Variants in DNAJB6 observed in about 807,000 individuals in gnomAD.
The protein encoded by DNAJB6 is dnaJ homolog subfamily B member 6.
Under a neutral mutation model 42.7 loss-of-function variants are expected in DNAJB6, and 16 were observed. That is an observed-to-expected ratio of 0.37 (90% CI 0.25 to 0.57). DNAJB6 has a LOEUF of 0.57. Among genes scored for constraint, DNAJB6 ranks in the 20% least tolerant of loss-of-function variants. The pLI is 0.74. For missense variants in DNAJB6, 347 were observed against 416.8 expected (o/e 0.83, Z 1.46); for synonymous variants, 170 against 163.5 (o/e 1.04, Z -0.30).
chr7:157,413,337 G>A (rs140507843), intron 9 of DNAJB6: 2 of 152,334 alleles, frequency 1.3e-5, no homozygotes, highest in East Asian at 3.9e-4. Context: ...GCTGAGGAAA[G>A]CAGCCTGCCC....
chr7:157,358,416 TG>T lies in DNAJB6; in HGVS notation c.-26-129del, dbSNP rs905230179. ...CCAGCAGGCTAGTGGTTAGCTCTAG[TG>T]GAAGTTCCCTCTGTAGGCCAGTAGG... On this transcript the variant is annotated intron_variant, in intron 1 of 9. Coordinates refer to ENST00000262177, the MANE Select transcript of DNAJB6 (RefSeq NM_058246.4). 38 of 619,562 alleles carry T rather than the reference TG, an allele frequency of 6.1e-5. No individual in the cohort carries two copies. In the African/African-American group the frequency reaches 6.6e-4, roughly 11 times the overall value. 38.4% of individuals were successfully genotyped at this position (619,562 alleles called of 1,614,324 possible). A position where few individuals can be genotyped will look rare whatever the true frequency, so the allele number is the denominator to read the frequency against.
chr7:157,383,720 T>G (rs4716710), intron 6 of DNAJB6, among the ~76,000 whole-genome samples: 6 of 151,648 alleles, frequency 4.0e-5, no homozygotes, highest in Non-Finnish European at 7.4e-5. Context: ...GAGGCTTAAT[T>G]GAGACCAGTG....
At chr7:157,382,602 TAATC>T (rs1337120094) in intron 6 of DNAJB6, 3 of 329,408 alleles carry the variant, frequency 9.1e-6, no homozygotes, top group Non-Finnish European at 1.6e-5. Context: ...CTTAATATAA[TAATC>T]AAGGCCAGAA....
intron 2 of DNAJB6, among the ~76,000 whole-genome samples, chr7:157,360,140 A>C (rs1799504064): frequency 6.6e-6 from 1 of 152,220 alleles, no homozygotes; most frequent in South Asian, 2.1e-4. Context: ...TGAGACTGGG[A>C]AGAAAAGGAG....
intron 5 of DNAJB6, among the ~76,000 whole-genome samples, chr7:157,369,798 G>GGGCCCCTTCTTC (rs1800055131): frequency 7.2e-6 from 1 of 138,260 alleles, no homozygotes; most frequent in African/African-American, 2.9e-5. Context: ...ATTATTAAAC[G>GGGCCCCTTCTTC]AGCCCCTTCT....
At chr7:157,410,178 C>A (rs1178970845) in intron 9 of DNAJB6, 177 bp downstream of exon 9, 2 of 1,382,490 alleles carry the variant, frequency 1.4e-6, no homozygotes, top group Non-Finnish European at 1.9e-6. Flanking sequence ...TCGCGGCGCC[C>A]CACGCCACGG....
At chr7:157,387,938 CGGG>C (rs1563140847) in intron 8 of DNAJB6, among the ~76,000 whole-genome samples, 2 of 151,988 alleles carry the variant, frequency 1.3e-5, no homozygotes, top group Non-Finnish European at 2.9e-5. Flanking sequence ...CTCTGCCTCC[CGGG>C]TTCAAGCAGT....
chr7:157,386,563 TAAA>T (rs201213562), intron 8 of DNAJB6, among the ~76,000 whole-genome samples: 3,332 of 152,310 alleles, frequency 0.022, 102 homozygotes, highest in African/African-American at 0.071. Context: ...TTTTCACTCT[TAAA>T]GTATGTTCTA....
chr7:157,409,756 C>T (rs775140272), intron 8 of DNAJB6, 39 bp from the exon 9 acceptor site: 7 of 1,488,920 alleles, frequency 4.7e-6, no homozygotes, highest in East Asian at 2.5e-5. Context: ...CGGCCGCCGC[C>T]GCTCACTCAC....
At position 157,382,263 on chromosome 7, in the gene DNAJB6, T is replaced by G. The variant is rs371893136; in HGVS notation, c.364T>G (p.Phe122Val). 9 of 1,604,834 alleles carry G rather than the reference T, an allele frequency of 5.6e-6. No individual in the cohort carries two copies. Among genetic ancestry groups the G allele is most frequent in the East Asian group, 2.2e-5 (1 of 44,728 alleles). ...GATTTTAGAAGACCCTTTTGAGGAC[T>G]TCTTTGGGAATCGAAGGGGTCCCCG... is the stretch of plus-strand genomic sequence containing the variant. ...FDFFEDPFED[F>V]FGNRRGPRGS... Residue 122 changes from phenylalanine to valine, a missense_variant, in exon 6 of 10, where the codon TTC (phenylalanine) becomes GTC (valine). Phe to Val is a conservative substitution (Grantham distance 50). Around this residue, in one of 3 missense-constraint regions of DNAJB6, gnomAD observed 264 missense variants for 288.0 expected, o/e 0.92. Coordinates refer to ENST00000262177, the MANE Select transcript of DNAJB6 (RefSeq NM_058246.4).
At chr7:157,339,075 A>T (rs987854065) in intron 1 of DNAJB6, among the ~76,000 whole-genome samples, 1 of 152,104 alleles carries the variant, frequency 6.6e-6, no homozygotes, top group Non-Finnish European at 1.5e-5. Context: ...GGGAGTGTTG[A>T]ATGTTGTGAA....
intron 2 of DNAJB6, among the ~76,000 whole-genome samples, chr7:157,360,782 G>GT (rs1799544706): frequency 6.6e-6 from 1 of 152,186 alleles, no homozygotes; most frequent in South Asian, 2.1e-4. Flanking sequence ...GCTGCCACCT[G>GT]TTCTGCATCT....
At chr7:157,338,753 T>C (rs1798184777) in intron 1 of DNAJB6, among the ~76,000 whole-genome samples, 1 of 152,246 alleles carries the variant, frequency 6.6e-6, no homozygotes, top group South Asian at 2.1e-4. Flanking sequence ...TTCAGCGAGC[T>C]GCGGGTTTTT....
At chr7:157,344,133 G>GT (rs1798560926) in intron 1 of DNAJB6, among the ~76,000 whole-genome samples, 1 of 152,178 alleles carries the variant, frequency 6.6e-6, no homozygotes, top group African/African-American at 2.4e-5. Flanking sequence ...AAGGTCAGGA[G>GT]TTTGAGACCA....
chr7:157,364,370 C>T (rs1219141400), intron 3 of DNAJB6, among the ~76,000 whole-genome samples: 3 of 152,126 alleles, frequency 2.0e-5, no homozygotes, highest in Non-Finnish European at 4.4e-5. Flanking sequence ...TATGAAAAGA[C>T]ATAAAAACAC....
intron 1 of DNAJB6, among the ~76,000 whole-genome samples, chr7:157,346,728 G>T (rs1798707380): frequency 6.6e-6 from 1 of 152,228 alleles, no homozygotes; most frequent in East Asian, 1.9e-4. Flanking sequence ...CATCAGTGAT[G>T]ACTGAAGCAG....
chr7:157,372,917 T>G (rs2117031912), intron 5 of DNAJB6, among the ~76,000 whole-genome samples: 1 of 152,270 alleles, frequency 6.6e-6, no homozygotes, highest in East Asian at 1.9e-4. Flanking sequence ...ATCATCTCCT[T>G]TGTGTCTGTC....
At chr7:157,362,859 G>T (rs1385212375) in intron 2 of DNAJB6, among the ~76,000 whole-genome samples, 1 of 152,156 alleles carries the variant, frequency 6.6e-6, no homozygotes, top group Non-Finnish European at 1.5e-5. Context: ...GCCCAGGCTG[G>T]ACTGCAGTGG....
At chr7:157,387,151 G>A (rs1801106409) in intron 8 of DNAJB6, among the ~76,000 whole-genome samples, 1 of 152,196 alleles carries the variant, frequency 6.6e-6, no homozygotes, top group African/African-American at 2.4e-5. Context: ...GAGCCCTTAA[G>A]CAACCTCACG....
Sources: allele counts gnomAD v4.1 joint callset (sites outside exome capture counted in the v4.1 genomes callset), GRCh38; gene constraint gnomAD v4.1.1; regional missense constraint gnomAD v4.1.1; transcripts MANE v1.5; gene names NCBI Gene and HGNC (gene_info 2026-07-23, HGNC 2026-07-21).